NRN1: variants seen among roughly 807,000 people sequenced by gnomAD.
NRN1 encodes neuritin.
In NRN1, 4 loss-of-function variants were observed where a neutral mutation model predicts 15.0. The ratio of observed to expected loss-of-function variants is 0.27; its 90% CI spans 0.13 to 0.61. The LOEUF (loss-of-function observed/expected upper bound fraction) is 0.61, where lower values mean the gene tolerates loss of function less well. Ranked by LOEUF, NRN1 falls within the 20% of genes least tolerant of loss-of-function variation. The pLI is 0.87. For synonymous variants in NRN1, 85 were observed against 79.8 expected (o/e 1.07, Z -0.35); for missense variants, 134 against 181.9 (o/e 0.74, Z 1.51).
Position 5,999,086 on chromosome 6 carries a change from A to G in NRN1, c.319T>C (p.Leu107=), listed in dbSNP as rs368834559. 9.5e-5 allele frequency: 154 copies of G among 1,614,060 alleles called. No individual in the cohort carries two copies. The highest frequency in any genetic ancestry group is 3.3e-4 in the Middle Eastern group (2 of 6,084). The stretch of plus-strand genomic sequence containing the variant: ...TTGCCGCTGCCGCAGAGTTCGAATA[A>G]GCTGCCTTGGATGTTGAGGTTTTTG... ...ESKNLNIQGS[L]FELCGSGNGA... Residue 107 remains leucine, a synonymous_variant, in exon 3 of 3, where the codon TTA becomes CTA. Coordinates refer to ENST00000244766, the MANE Select transcript of NRN1 (RefSeq NM_016588.3).
chr6:6,003,648 G>GCCCCCAAT, intron 1 of NRN1: 1 of 1,164,798 alleles, frequency 8.6e-7, no homozygotes, highest in Non-Finnish European at 1.1e-6. Flanking sequence ...AAGCCCCCAA[G>GCCCCCAAT]CCCCCGGCCT....
intron 2 of NRN1, 140 bp downstream of exon 2, chr6:6,002,213 G>C: frequency 9.0e-7 from 1 of 1,105,966 alleles, no homozygotes; most frequent in Admixed American, 2.0e-5. Flanking sequence ...AGGCCTGGGG[G>C]TTGGAGCCAG....
upstream of NRN1, among the ~76,000 whole-genome samples, chr6:6,007,244 GC>G (rs1017796467): frequency 7.9e-5 from 12 of 151,902 alleles, no homozygotes; most frequent in African/African-American, 2.9e-4. Context: ...GGGCCCCCCA[GC>G]CCCGCCGCCT....
At chr6:6,002,611 C>T (rs1757984535) in intron 1 of NRN1, 114 bp from the exon 2 acceptor site, 4 of 1,379,100 alleles carry the variant, frequency 2.9e-6, no homozygotes, top group Admixed American at 2.2e-5. Flanking sequence ...GCGGCCTCTC[C>T]CAGCGCCCAG....
At chr6:6,004,024 A>AG in intron 1 of NRN1, 1 of 1,195,856 alleles carries the variant, frequency 8.4e-7, no homozygotes, top group Non-Finnish European at 1.0e-6. Flanking sequence ...GACGCCGAAG[A>AG]GGAAGGTGAC....
rs758892639 is a variant in NRN1 at position 5,999,008 on chromosome 6, A to C, written c.397T>G (p.Ser133Ala). The C allele has an allele frequency of 3.1e-6, 5 of 1,613,130 alleles. No homozygotes were observed. Among genetic ancestry groups the C allele is most frequent in the South Asian group, 1.1e-5 (1 of 91,022 alleles). ...PAFPVLLVSLSAALATWLSF is the reference protein window; with the variant it reads ...PAFPVLLVSLAAALATWLSF ...GAAAGCCAGGTCGCTAAAGCTGCCG[A>C]GAGAGACACCAGGAGCACCGGGAAC... The change falls in exon 3 of 3, where the codon TCG becomes GCG. Residue 133 changes from serine to alanine, a missense_variant. Coordinates refer to ENST00000244766, the MANE Select transcript of NRN1 (RefSeq NM_016588.3).
chr6:6,004,551 G>T (rs1192990858), intron 1 of NRN1, among the ~76,000 whole-genome samples: 1 of 152,206 alleles, frequency 6.6e-6, no homozygotes, highest in Non-Finnish European at 1.5e-5. Context: ...AGGCGCTGCT[G>T]GAGAAGACCC....
intron 1 of NRN1, chr6:6,004,117 G>A: frequency 1.1e-6 from 1 of 905,146 alleles, no homozygotes; most frequent in Non-Finnish European, 1.3e-6. Flanking sequence ...TTTTTAATCC[G>A]GAACGGGAAG....
chr6:6,002,132 T>C (rs1757964718), intron 2 of NRN1, among the ~76,000 whole-genome samples: 1 of 152,214 alleles, frequency 6.6e-6, no homozygotes, highest in Non-Finnish European at 1.5e-5. Flanking sequence ...TGAAGGATCC[T>C]CCTCCATATC....
intron 2 of NRN1, 75 bp from the exon 3 acceptor site, chr6:5,999,279 G>A: frequency 7.6e-7 from 1 of 1,314,818 alleles, no homozygotes. Context: ...TTGCGCCCCT[G>A]CGCCTCCCCG....
Position 5,999,041 on chromosome 6 carries a change from G to T in NRN1, c.364C>A (p.Leu122Ile), listed in dbSNP as rs770751833. 6.2e-7 allele frequency: 1 copy of T among 1,613,866 alleles called. No individual in the cohort carries two copies. Among genetic ancestry groups the T allele is most frequent in the South Asian group, 1.1e-5 (1 of 91,074 alleles). The change falls in exon 3 of 3, where the codon CTC (leucine) becomes ATC (isoleucine). Residue 122 changes from leucine to isoleucine, a missense_variant. By Grantham distance (5) the Leu-to-Ile change is conservative. Transcript: ENST00000244766. The stretch of plus-strand genomic sequence containing the variant: ...ACCAGGAGCACCGGGAACGCCGGGA[G>T]CAGGGACCCCGCCGCCCCGTTGCCG... ...GSGNGAAGSL[L>I]PAFPVLLVSL...
rs776262493 is a variant in NRN1, at chr6:5,999,214, A to G, written c.201-10T>C. ...GAAATCCTCCCAGTATCTGGTGAGGAACAGAACAAAACAGAACAAGCAGGT... is the reference window on the plus strand; with the variant it reads ...GAAATCCTCCCAGTATCTGGTGAGGGACAGAACAAAACAGAACAAGCAGGT... On this transcript the variant is annotated splice_polypyrimidine_tract_variant and intron_variant, in intron 2 of 2. Transcript: ENST00000244766. The G allele has an allele frequency of 1.9e-6, 3 of 1,595,294 alleles. No individual in the cohort carries two copies. The highest frequency in any genetic ancestry group is 1.3e-5 in the African/African-American group (1 of 74,730).
In NRN1 at chr6:5,998,943, TGGGTGGGCGCGC is replaced by T; in HGVS notation, c.*21_*32del. 1 of 1,513,554 alleles carries T rather than the reference TGGGTGGGCGCGC, an allele frequency of 6.6e-7. No individual in the cohort carries two copies. Among genetic ancestry groups the T allele is most frequent in the Non-Finnish European group, 9.1e-7 (1 of 1,099,558 alleles). The allele number at this position is 1,513,554 out of a possible 1,614,324, so 93.8% of individuals were successfully genotyped here. A position where few individuals can be genotyped will look rare whatever the true frequency, so the allele number is the denominator to read the frequency against. On this transcript the variant is annotated 3_prime_UTR_variant, in exon 3 of 3. Transcript: ENST00000244766. The stretch of plus-strand genomic sequence containing the variant: ...GATTTCCGGGAGCATGGAGTGAGTG[TGGGTGGGCGCGC>T]GGGGGGAGCTGGCCCCACGCTCAGA...
rs1208420230 is a variant in NRN1 at position 5,998,053 on chromosome 6, T to C, written c.*923A>G. The C allele has an allele frequency of 6.6e-6, 1 of 152,252 alleles. No homozygotes were observed. The highest frequency in any genetic ancestry group is 1.9e-4 in the East Asian group (1 of 5,204). The allele number at this position is 152,252 out of a possible 1,614,324, so 9.4% of individuals were successfully genotyped here. Reference sequence around the variant, plus strand: ...CTCTATACTTTGTAGCAAATCTTTTTTTGCTGAATTTAATTTATAATAAAC... The same window carrying C: ...CTCTATACTTTGTAGCAAATCTTTTCTTGCTGAATTTAATTTATAATAAAC... On this transcript the variant is annotated 3_prime_UTR_variant, in exon 3 of 3. Coordinates refer to ENST00000244766, the MANE Select transcript of NRN1 (RefSeq NM_016588.3).
chr6:6,003,685 G>T, intron 1 of NRN1: 1 of 1,233,226 alleles, frequency 8.1e-7, no homozygotes, highest in Non-Finnish European at 1.0e-6. Context: ...CGAGGCGCGG[G>T]ACTGGAAGGA....
In NRN1 at chr6:6,006,911, A is replaced by C; in HGVS notation, c.-162T>G. 1 of 388,366 alleles carries C rather than the reference A, an allele frequency of 2.6e-6. No individual in the cohort carries two copies. The highest frequency in any genetic ancestry group is 6.9e-5 in the East Asian group (1 of 14,394). The allele number at this position is 388,366 out of a possible 1,614,324, so 24.1% of individuals were successfully genotyped here. A position where few individuals can be genotyped will look rare whatever the true frequency, so the allele number is the denominator to read the frequency against. On this transcript the variant is annotated 5_prime_UTR_variant, in exon 1 of 3. Transcript: ENST00000244766. Reference sequence around the variant, plus strand: ...GAGGAGAGAAAGAGAGGGAGCGAGGAAGAGACAGAAAGAGAGAGAGAGAGA... The same window carrying C: ...GAGGAGAGAAAGAGAGGGAGCGAGGCAGAGACAGAAAGAGAGAGAGAGAGA...
At chr6:6,007,146 A>C (rs1758131986), upstream of NRN1, among the ~76,000 whole-genome samples, 2 of 152,064 alleles carry the variant, frequency 1.3e-5, no homozygotes, top group Admixed American at 1.3e-4. Context: ...GATATCTCCA[A>C]TTAATGTGCG....
At position 5,998,957 on chromosome 6, in the gene NRN1, G is replaced by C; in HGVS notation, c.*19C>G. On this transcript the variant is annotated 3_prime_UTR_variant, in exon 3 of 3. Transcript: ENST00000244766. ...TGGAGTGAGTGTGGGTGGGCGCGCG[G>C]GGGGAGCTGGCCCCACGCTCAGAAG... 14 of 1,576,590 alleles carry C rather than the reference G, an allele frequency of 8.9e-6. No homozygotes were observed. The highest frequency in any genetic ancestry group is 1.2e-5 in the Non-Finnish European group (14 of 1,152,642).
rs780367021 is a variant in NRN1 at position 5,998,952 on chromosome 6, G to T, written c.*24C>A. ...GAGCATGGAGTGAGTGTGGGTGGGC[G>T]CGCGGGGGGAGCTGGCCCCACGCTC... On this transcript the variant is annotated 3_prime_UTR_variant, in exon 3 of 3. Coordinates refer to ENST00000244766, the MANE Select transcript of NRN1 (RefSeq NM_016588.3). The T allele has an allele frequency of 1.9e-6, 3 of 1,564,836 alleles. No individual in the cohort carries two copies. Among genetic ancestry groups the T allele is most frequent in the Non-Finnish European group, 2.6e-6 (3 of 1,143,952 alleles).
Sources: allele counts gnomAD v4.1 joint callset (sites outside exome capture counted in the v4.1 genomes callset), GRCh38; gene constraint gnomAD v4.1.1; transcripts MANE v1.5; gene names NCBI Gene and HGNC (gene_info 2026-07-23, HGNC 2026-07-21).